The following COL27A1 variants were observed in gnomAD, a reference collection of about 807,000 sequenced individuals.
The protein encoded by COL27A1 is collagen alpha-1(XXVII) chain.
In COL27A1, 106 loss-of-function variants were observed where a neutral mutation model predicts 251.3. The ratio of observed to expected loss-of-function variants is 0.42; its 90% CI spans 0.36 to 0.50. The LOEUF (loss-of-function observed/expected upper bound fraction) is 0.50, where lower values mean the gene tolerates loss of function less well. Among genes scored for constraint, COL27A1 ranks in the 20% least tolerant of loss-of-function variants. The pLI is 0.00. For synonymous variants in COL27A1, 1,000 were observed against 986.3 expected, an observed-to-expected ratio of 1.01 and a Z score of -0.26; for missense variants, 2,325 against 2,522.8, an observed-to-expected ratio of 0.92 and a Z score of 1.68.
intron 15 of COL27A1, among the ~76,000 whole-genome samples, chr9:114,231,584 C>T (rs1057203066): frequency 3.9e-5 from 6 of 152,366 alleles, no homozygotes; most frequent in African/African-American, 1.4e-4. Context: ...TCCCTCCCCA[C>T]CAGTTCCTTC....
chr9:114,159,525 G>A (rs1057027531), intron 1 of COL27A1, among the ~76,000 whole-genome samples: 2 of 152,182 alleles, frequency 1.3e-5, no homozygotes, highest in African/African-American at 4.8e-5. Context: ...GGGATCGCAG[G>A]AACACAGGAA....
chr9:114,203,825 G>C (rs191825149), intron 7 of COL27A1, among the ~76,000 whole-genome samples: 19 of 152,116 alleles, frequency 1.2e-4, no homozygotes, highest in Non-Finnish European at 2.6e-4. Flanking sequence ...GATTTCCAGC[G>C]TGTTCCCAGA....
intron 58 of COL27A1, chr9:114,307,036 G>T (rs1933675150): frequency 3.9e-6 from 1 of 255,200 alleles, no homozygotes; most frequent in African/African-American, 2.3e-5. Context: ...AGCTGATGTG[G>T]TGCTGTGAAG....
At chr9:114,284,002 C>G (rs1041678477) in intron 40 of COL27A1, among the ~76,000 whole-genome samples, 1 of 152,220 alleles carries the variant, frequency 6.6e-6, no homozygotes, top group Non-Finnish European at 1.5e-5. Flanking sequence ...CCCAAGCCTT[C>G]TTGGGTATTT....
intron 55 of COL27A1, among the ~76,000 whole-genome samples, 180 bp downstream of exon 55, chr9:114,301,897 C>G (rs985293121): frequency 1.3e-5 from 2 of 152,152 alleles, no homozygotes; most frequent in Non-Finnish European, 2.9e-5. Context: ...CGTGGGGTAA[C>G]ACCTAGGGGC....
chr9:114,157,041 T>C (rs1208764178), intron 1 of COL27A1, among the ~76,000 whole-genome samples: 1 of 151,774 alleles, frequency 6.6e-6, no homozygotes, highest in Non-Finnish European at 1.5e-5. Context: ...AAGCTGGCTG[T>C]TTGCGATTCC....
Position 114,182,177 on chromosome 9 carries a change from A to AAATAATAATAATAAT in COL27A1, c.1963-831_1963-830insTAATAATAATAATAA, listed in dbSNP as rs71367755. Among the ~76,000 whole-genome samples, 247 of 138,120 alleles carry AAATAATAATAATAAT rather than the reference A, an allele frequency of 1.8e-3. 2 individuals carry two copies. Among genetic ancestry groups the AAATAATAATAATAAT allele is most frequent in the African/African-American group, 6.0e-3 (230 of 38,200 alleles). The allele number at this position is 138,120 out of a possible 152,430, so 90.6% of individuals were successfully genotyped here. On this transcript the variant is annotated intron_variant, in intron 4 of 60. Coordinates refer to ENST00000356083, the MANE Select transcript of COL27A1 (RefSeq NM_032888.4). ...AGCATAGCAAGACTCCATCTCTATA[A>AAATAATAATAATAAT]AATAATAATAATAAAATAATAAAAA...
At chr9:114,271,038 T>C (rs1835102538) in intron 36 of COL27A1, 2 of 491,462 alleles carry the variant, frequency 4.1e-6, no homozygotes, top group Non-Finnish European at 7.1e-6. Flanking sequence ...TCTTAAAATA[T>C]CAGCTTCTCT....
intron 9 of COL27A1, 110 bp from the exon 10 acceptor site, chr9:114,206,142 C>T: frequency 2.8e-6 from 3 of 1,065,258 alleles, no homozygotes; most frequent in East Asian, 2.5e-5. Flanking sequence ...ACCCCACCCC[C>T]ATTCTACAAA....
At chr9:114,203,080 C>T (rs941821695) in intron 7 of COL27A1, among the ~76,000 whole-genome samples, 1 of 152,160 alleles carries the variant, frequency 6.6e-6, no homozygotes, top group Admixed American at 6.5e-5. Context: ...AAAACTGAAA[C>T]TGTACCCATT....
intron 4 of COL27A1, among the ~76,000 whole-genome samples, chr9:114,178,725 A>C (rs1369047344): frequency 1.3e-5 from 2 of 152,022 alleles, no homozygotes; most frequent in East Asian, 3.9e-4. Flanking sequence ...GCTCTCCTGG[A>C]GTAGGGGTGC....
At chr9:114,254,975 G>A (rs890307850) in intron 27 of COL27A1, among the ~76,000 whole-genome samples, 1 of 152,162 alleles carries the variant, frequency 6.6e-6, no homozygotes, top group Non-Finnish European at 1.5e-5. Flanking sequence ...AAGGGTGAGA[G>A]GCCTGGATAT....
intron 27 of COL27A1, among the ~76,000 whole-genome samples, chr9:114,258,310 C>T (rs1183635245): frequency 6.6e-6 from 1 of 152,164 alleles, no homozygotes; most frequent in Non-Finnish European, 1.5e-5. Flanking sequence ...GAGGCCCATC[C>T]CCCTATAGCC....
Position 114,168,102 on chromosome 9 carries a change from C to T in COL27A1, c.547C>T (p.Leu183=), listed in dbSNP as rs140616075. 5.6e-6 allele frequency: 9 copies of T among 1,612,118 alleles called. No homozygotes were observed. Among genetic ancestry groups the T allele is most frequent in the Middle Eastern group, 1.6e-4 (1 of 6,062 alleles). The change falls in exon 3 of 61, where the codon CTG becomes TTG. Residue 183 remains leucine (L), a synonymous_variant. Transcript: ENST00000356083. ...ACGQRRVPVL[L]PFHRDPALDP... is the part of the protein sequence containing the mutation. ...CGGGCAGCGCCGGGTGCCTGTCCTG[C>T]TGCCTTTCCACAGGGACCCTGCACT...
intron 28 of COL27A1, among the ~76,000 whole-genome samples, chr9:114,260,809 A>G (rs1834268057): frequency 6.7e-6 from 1 of 150,186 alleles, no homozygotes; most frequent in Non-Finnish European, 1.5e-5. Context: ...CAGCTGTGGA[A>G]CCCCAGGCCG....
intron 22 of COL27A1, among the ~76,000 whole-genome samples, chr9:114,243,093 A>C (rs535735264): frequency 3.3e-4 from 50 of 152,354 alleles, no homozygotes; most frequent in Non-Finnish European, 5.9e-4. Flanking sequence ...TAGTGTTATC[A>C]TGAAAATCAT....
In COL27A1 at chr9:114,301,402, G is replaced by C. The variant is rs774942306; in HGVS notation, c.4792-43G>C. The stretch of plus-strand genomic sequence containing the variant: ...GCTCCCAGAGTTGGGCCATGGCTCA[G>C]CCAGGTTCCCTAACTCTCTCCCCTG... On this transcript the variant is annotated intron_variant, in intron 53 of 60. Coordinates refer to ENST00000356083, the MANE Select transcript of COL27A1 (RefSeq NM_032888.4). The C allele has an allele frequency of 3.1e-6, 5 of 1,612,244 alleles. No individual in the cohort carries two copies. In the East Asian group the frequency reaches 1.1e-4, roughly 36 times the overall value.
chr9:114,268,941 A>C, intron 34 of COL27A1: 1 of 312,678 alleles, frequency 3.2e-6, no homozygotes, highest in Non-Finnish European at 5.8e-6. Context: ...GTTTCAAAAA[A>C]CAAACAAAAA....
At chr9:114,173,118 A>T (rs778496580) in intron 3 of COL27A1, among the ~76,000 whole-genome samples, 1 of 152,038 alleles carries the variant, frequency 6.6e-6, no homozygotes, top group Admixed American at 6.5e-5. Context: ...GGAGGGGGGA[A>T]CATGGAAAAA....
Sources: allele counts gnomAD v4.1 joint callset (sites outside exome capture counted in the v4.1 genomes callset), GRCh38; gene constraint gnomAD v4.1.1; transcripts MANE v1.5; gene names NCBI Gene and HGNC (gene_info 2026-07-23, HGNC 2026-07-21).